SPAG16: variants seen among roughly 807,000 people sequenced by gnomAD.
SPAG16 encodes the protein sperm associated antigen 16, also known as sperm-associated antigen 16 protein.
A neutral mutation model predicts 80.4 loss-of-function variants in SPAG16; 86 were observed. The ratio of observed to expected loss-of-function variants is 1.07; its 90% confidence interval spans 0.90 to 1.28. SPAG16 has a LOEUF of 1.28. Ranked by LOEUF, SPAG16 falls within the 50% of genes most tolerant of loss-of-function variation. The probability of loss-of-function intolerance (pLI) is 0.00; values close to 1 mark genes in which losing one functional copy is unlikely to be tolerated. For missense variants in SPAG16, 870 were observed against 765.3 expected (o/e 1.14, Z -1.61); for synonymous variants, 294 against 265.9 (o/e 1.11, Z -1.03).
chr2:213,961,812 A>G (rs539549642), intron 12 of SPAG16, among the ~76,000 whole-genome samples: 113 of 152,126 alleles, frequency 7.4e-4, no homozygotes, highest in African/African-American at 2.6e-3. Context: ...AAAATCTCTG[A>G]TATTTATCAG....
chr2:213,364,392 C>A (rs1238681773), intron 8 of SPAG16: 6 of 220,744 alleles, frequency 2.7e-5, no homozygotes, highest in Admixed American at 1.7e-4. Context: ...ACCAGACTAG[C>A]CTTCTCTGTG....
chr2:214,125,338 G>A (rs983164742), intron 14 of SPAG16, among the ~76,000 whole-genome samples: 41 of 151,598 alleles, frequency 2.7e-4, no homozygotes, highest in African/African-American at 9.7e-4. Flanking sequence ...GAAATACAAA[G>A]TTATGAAATA....
intron 12 of SPAG16, among the ~76,000 whole-genome samples, chr2:213,961,023 T>C (rs1489974255): frequency 6.6e-6 from 1 of 152,180 alleles, no homozygotes; most frequent in Non-Finnish European, 1.5e-5. Flanking sequence ...TGCACAGCCA[T>C]CTGCGATGGG....
intron 15 of SPAG16, among the ~76,000 whole-genome samples, chr2:214,254,498 G>A (rs1457015950): frequency 6.6e-6 from 1 of 152,038 alleles, no homozygotes; most frequent in Non-Finnish European, 1.5e-5. Flanking sequence ...AACATGAAGG[G>A]CTGTTGAATT....
intron 10 of SPAG16, among the ~76,000 whole-genome samples, chr2:213,750,682 A>C (rs1271260900): frequency 1.3e-5 from 2 of 152,322 alleles, no homozygotes; most frequent in East Asian, 3.9e-4. Context: ...TCCTAGGACC[A>C]CTTGAAGCTT....
At chr2:213,996,754 G>A (rs948354927) in intron 12 of SPAG16, among the ~76,000 whole-genome samples, 1 of 151,906 alleles carries the variant, frequency 6.6e-6, no homozygotes, top group Non-Finnish European at 1.5e-5. Context: ...GTCTTTAGTA[G>A]AGACGGGGTT....
Position 214,332,836 on chromosome 2 carries a change from G to A in SPAG16, c.1721-77304G>A, listed in dbSNP as rs1170416055. Among the ~76,000 whole-genome samples the A allele has an allele frequency of 3.9e-5, 6 of 152,158 alleles. No individual in the cohort carries two copies. The East Asian group carries it at 9.7e-4, about 24-fold the overall frequency. On this transcript the variant is annotated intron_variant, in intron 15 of 15. Coordinates refer to ENST00000331683, the MANE Select transcript of SPAG16 (RefSeq NM_024532.5). ...GCTAAGGAACTAATATAGGGGTTCT[G>A]TCACCTACCAGGTAGCTGAAAATGA...
chr2:213,297,019 T>C (rs1376978298), intron 2 of SPAG16: 25 of 1,282,756 alleles, frequency 1.9e-5, no homozygotes, highest in Non-Finnish European at 2.1e-5. Context: ...TTTTCTATTA[T>C]AGATAAAAGC....
At chr2:213,670,761 T>A (rs2125219852) in intron 10 of SPAG16, among the ~76,000 whole-genome samples, 1 of 152,394 alleles carries the variant, frequency 6.6e-6, no homozygotes, top group South Asian at 2.1e-4. Context: ...CTGTGTTATT[T>A]CTGGCTTTTA....
At chr2:213,324,051 A>G (rs1276225874) in intron 5 of SPAG16, among the ~76,000 whole-genome samples, 1 of 152,208 alleles carries the variant, frequency 6.6e-6, no homozygotes, top group African/African-American at 2.4e-5. Context: ...GATTTGTTAT[A>G]TATCATTGTA....
intron 10 of SPAG16, among the ~76,000 whole-genome samples, chr2:213,620,296 T>G (rs1211895698): frequency 1.5e-5 from 2 of 130,472 alleles, no homozygotes; most frequent in Admixed American, 7.5e-5. Flanking sequence ...TTTTTTTTTT[T>G]TTTTTTTTTT....
intron 10 of SPAG16, among the ~76,000 whole-genome samples, chr2:213,582,569 G>A (rs144277893): frequency 6.6e-5 from 10 of 152,204 alleles, no homozygotes; most frequent in African/African-American, 2.4e-4. Flanking sequence ...AAAAAGAGGA[G>A]TTTTTGATAT....
intron 15 of SPAG16, among the ~76,000 whole-genome samples, chr2:214,208,369 A>T (rs1576497749): frequency 6.6e-6 from 1 of 152,118 alleles, no homozygotes; most frequent in Non-Finnish European, 1.5e-5. Flanking sequence ...TCTCTGTTTA[A>T]ACTGATTAGA....
chr2:214,358,115 A>T (rs1698938122), intron 15 of SPAG16, among the ~76,000 whole-genome samples: 1 of 151,930 alleles, frequency 6.6e-6, no homozygotes, highest in African/African-American at 2.4e-5. Context: ...GAGCTGCAAT[A>T]TTCAACTTCA....
chr2:214,323,525 C>A (rs1362113659), intron 15 of SPAG16, among the ~76,000 whole-genome samples: 1 of 152,092 alleles, frequency 6.6e-6, no homozygotes, highest in Non-Finnish European at 1.5e-5. Context: ...ACTTCCCAAG[C>A]TGGCCACCCC....
At chr2:214,331,504 A>G (rs1224133283) in intron 15 of SPAG16, among the ~76,000 whole-genome samples, 1 of 152,206 alleles carries the variant, frequency 6.6e-6, no homozygotes, top group African/African-American at 2.4e-5. Context: ...GAAAGGAAAA[A>G]TTCTGCAATC....
intron 11 of SPAG16, among the ~76,000 whole-genome samples, chr2:213,865,682 A>T (rs921816357): frequency 1.6e-4 from 23 of 148,004 alleles, no homozygotes; most frequent in Non-Finnish European, 2.8e-4. Flanking sequence ...TATATATATA[A>T]AATATATAAA....
intron 14 of SPAG16, among the ~76,000 whole-genome samples, chr2:214,119,964 T>A (rs1428728078): frequency 6.6e-6 from 1 of 152,042 alleles, no homozygotes; most frequent in Non-Finnish European, 1.5e-5. Context: ...TTTAATATCT[T>A]GCATATTTAG....
intron 15 of SPAG16, chr2:214,311,724 C>T (rs1695337974): frequency 6.6e-6 from 1 of 152,102 alleles, no homozygotes; most frequent in Non-Finnish European, 1.5e-5. Context: ...ATTTGATCTT[C>T]TTTCTGAGGA....
Sources: allele counts gnomAD v4.1 joint callset (sites outside exome capture counted in the v4.1 genomes callset), GRCh38; gene constraint gnomAD v4.1.1; transcripts MANE v1.5; gene names NCBI Gene and HGNC (gene_info 2026-07-23, HGNC 2026-07-21).